The following CRYBB3 variants were observed in gnomAD, a reference collection of about 807,000 sequenced individuals.
CRYBB3 encodes the protein beta-crystallin B3.
CRYBB3 carries 35 observed loss-of-function variants against 28.3 expected under a neutral mutation model. The observed-to-expected ratio is 1.24, with a 90% CI of 0.95 to 1.64. The LOEUF is 1.64. Among genes scored for constraint, CRYBB3 ranks in the 40% most tolerant of loss-of-function variants. The pLI is 0.00. For synonymous variants in CRYBB3, 106 were observed against 110.4 expected (o/e 0.96, Z 0.25); for missense variants, 296 against 297.4 (o/e 1.00, Z 0.04).
chr22:25,207,162 C>G lies in CRYBB3; in HGVS notation c.586C>G (p.Arg196Gly), dbSNP rs376466291. ...ASQPQLQSVR[R>G]IRDQKWHKRG... is the part of the protein sequence containing the mutation. ...CCAGCCGCAGCTGCAGTCTGTGCGC[C>G]GCATCCGTGACCAGAAGTGGCACAA... Residue 196 changes from arginine (R) to glycine (G), a missense_variant, in exon 6 of 6, where the codon CGC (arginine) becomes GGC (glycine). Physicochemically the swap from Arg to Gly is moderately radical, Grantham distance 125. Coordinates refer to ENST00000215855, the MANE Select transcript of CRYBB3 (RefSeq NM_004076.5). 1.2e-6 allele frequency: 2 copies of G among 1,613,676 alleles called. No individual in the cohort carries two copies. The highest frequency in any genetic ancestry group is 4.5e-5 in the East Asian group (2 of 44,870).
At chr22:25,206,984 G>A in intron 5 of CRYBB3, 63 bp from the exon 6 acceptor site, 1 of 1,267,498 alleles carries the variant, frequency 7.9e-7, no homozygotes, top group Non-Finnish European at 1.2e-6. Context: ...ATGGTCAGAT[G>A]CTGGCTGGAG....
At chr22:25,206,108 A>C (rs974174614) in intron 5 of CRYBB3, among the ~76,000 whole-genome samples, 1 of 152,092 alleles carries the variant, frequency 6.6e-6, no homozygotes, top group Non-Finnish European at 1.5e-5. Flanking sequence ...GTTACATCTC[A>C]CTTGTGGGCT....
intron 2 of CRYBB3, among the ~76,000 whole-genome samples, chr22:25,202,144 G>A (rs1289513087): frequency 6.6e-6 from 1 of 152,156 alleles, no homozygotes; most frequent in African/African-American, 2.4e-5. Flanking sequence ...TAGAACAGAT[G>A]TTCCCTGGGG....
rs151051126 is a variant in CRYBB3 at position 25,207,196 on chromosome 22, G to A, written c.620G>A (p.Arg207His). The change falls in exon 6 of 6, where the codon CGC (arginine) becomes CAC (histidine). Residue 207 changes from arginine (R) to histidine (H), a missense_variant. Arg to His is a conservative substitution (Grantham distance 29, BLOSUM62 0). Transcript: ENST00000215855. Reference sequence around the variant, plus strand: ...GACCAGAAGTGGCACAAGCGGGGCCGCTTCCCCAGCAGCTGAAAGGCACCC... The same window carrying A: ...GACCAGAAGTGGCACAAGCGGGGCCACTTCCCCAGCAGCTGAAAGGCACCC... ...IRDQKWHKRGRFPSS is the reference protein window; with the variant it reads ...IRDQKWHKRGHFPSS 6.9e-5 allele frequency: 111 copies of A among 1,612,664 alleles called. No homozygotes were observed. The African/African-American group carries it at 9.2e-4, about 13-fold the overall frequency.
chr22:25,202,876 T>C, intron 3 of CRYBB3, 84 bp downstream of exon 3: 1 of 1,579,948 alleles, frequency 6.3e-7, no homozygotes, highest in South Asian at 1.1e-5. Context: ...CTAGATCTGT[T>C]GTGGGGCTTT....
chr22:25,206,646 G>A (rs954689930), intron 5 of CRYBB3, among the ~76,000 whole-genome samples: 2 of 152,122 alleles, frequency 1.3e-5, no homozygotes, highest in African/African-American at 4.8e-5. Flanking sequence ...AGGGGCTCTG[G>A]GAGTCCCAGT....
intron 5 of CRYBB3, among the ~76,000 whole-genome samples, chr22:25,205,580 C>T (rs1024038749): frequency 6.6e-6 from 1 of 152,206 alleles, no homozygotes; most frequent in African/African-American, 2.4e-5. Context: ...CTGCCTCAGC[C>T]TCCCGAGTAG....
In CRYBB3 at chr22:25,205,304, A is replaced by G; in HGVS notation, c.412A>G (p.Ser138Gly). The change falls in exon 5 of 6, where the codon AGC (serine) becomes GGC (glycine). Residue 138 changes from serine to glycine, a missense_variant. By Grantham distance (56) the Ser-to-Gly change is moderately conservative (BLOSUM62 0). Coordinates refer to ENST00000215855, the MANE Select transcript of CRYBB3 (RefSeq NM_004076.5). The stretch of plus-strand genomic sequence containing the variant: ...GGAGATAGTGGATGATGACGTGCCC[A>G]GCCTGTGGGCTCATGGCTTCCAGGA... ...KMEIVDDDVP[S>G]LWAHGFQDRV... is the part of the protein sequence containing the mutation. 1 of 1,614,162 alleles carries G rather than the reference A, an allele frequency of 6.2e-7. No homozygotes were observed.
intron 2 of CRYBB3, among the ~76,000 whole-genome samples, chr22:25,202,023 G>T (rs1386774578): frequency 6.6e-6 from 1 of 152,200 alleles, no homozygotes; most frequent in African/African-American, 2.4e-5. Flanking sequence ...AACTATTCCA[G>T]ACAGAGTCTA....
At position 25,207,127 on chromosome 22, in the gene CRYBB3, G is replaced by A. The variant is rs371820471; in HGVS notation, c.551G>A (p.Trp184Ter). ...ERGEYRHWNE[W>*]DASQPQLQSV... ...GGCGAGTACCGCCACTGGAATGAGT[G>A]GGACGCCAGCCAGCCGCAGCTGCAG... Residue 184 changes from tryptophan (W) to a stop codon, truncating the protein, a stop_gained, in exon 6 of 6, where the codon TGG (tryptophan) becomes TAG (stop). Transcript: ENST00000215855. LOFTEE classifies it high-confidence loss of function. 6.2e-7 allele frequency: 1 copy of A among 1,613,638 alleles called. No homozygotes were observed. The highest frequency in any genetic ancestry group is 1.7e-5 in the Admixed American group (1 of 60,022).
intron 4 of CRYBB3, 56 bp from the exon 5 acceptor site, chr22:25,205,164 C>T: frequency 1.2e-6 from 2 of 1,610,378 alleles, no homozygotes; most frequent in Non-Finnish European, 1.7e-6. Flanking sequence ...CTGGAGCCTC[C>T]TTGACCTCTG....
At position 25,207,283 on chromosome 22, in the gene CRYBB3, G is replaced by T. The variant is rs1417917002; in HGVS notation, c.*71G>T. 3 of 1,434,326 alleles carry T rather than the reference G, an allele frequency of 2.1e-6. No homozygotes were observed. Among genetic ancestry groups the T allele is most frequent in the African/African-American group, 2.8e-5 (2 of 71,150 alleles). The allele number at this position is 1,434,326 out of a possible 1,614,324, so 88.8% of individuals were successfully genotyped here. On this transcript the variant is annotated 3_prime_UTR_variant, in exon 6 of 6. Coordinates refer to ENST00000215855, the MANE Select transcript of CRYBB3 (RefSeq NM_004076.5). ...AAGGGCAAGAAGAGGAGGCTCCAGGGTTGGGGCGAGGGCCGACCTGTCCAC... is the reference window on the plus strand; with the variant it reads ...AAGGGCAAGAAGAGGAGGCTCCAGGTTTGGGGCGAGGGCCGACCTGTCCAC...
intron 4 of CRYBB3, among the ~76,000 whole-genome samples, chr22:25,204,951 A>G (rs956105674): frequency 2.9e-4 from 44 of 152,170 alleles, no homozygotes; most frequent in African/African-American, 1.0e-3. Context: ...CATTTAAATG[A>G]TGGGATTGAA....
At chr22:25,201,516 C>G in intron 2 of CRYBB3, 45 bp downstream of exon 2, 4 of 1,603,894 alleles carry the variant, frequency 2.5e-6, no homozygotes, top group Non-Finnish European at 3.4e-6. Flanking sequence ...TACTCCTGGG[C>G]CTCAGGGTCA....
In CRYBB3 at chr22:25,207,250, G is replaced by C; in HGVS notation, c.*38G>C. 1 of 1,584,898 alleles carries C rather than the reference G, an allele frequency of 6.3e-7. No homozygotes were observed. Among genetic ancestry groups the C allele is most frequent in the Non-Finnish European group, 8.6e-7 (1 of 1,162,050 alleles). ...CTTCAAGGACCCAGACCCACCCTGG[G>C]GGGCTGCAAGGGCAAGAAGAGGAGG... On this transcript the variant is annotated 3_prime_UTR_variant, in exon 6 of 6. Coordinates refer to ENST00000215855, the MANE Select transcript of CRYBB3 (RefSeq NM_004076.5).
At chr22:25,204,441 G>T (rs988395001) in intron 4 of CRYBB3, among the ~76,000 whole-genome samples, 3 of 151,468 alleles carry the variant, frequency 2.0e-5, no homozygotes, top group African/African-American at 7.3e-5. Context: ...ATTTTGAGTT[G>T]CAGTCTCGCT....
intron 1 of CRYBB3, among the ~76,000 whole-genome samples, chr22:25,200,358 G>T (rs1934922596): frequency 6.6e-6 from 1 of 152,130 alleles, no homozygotes; most frequent in Non-Finnish European, 1.5e-5. Flanking sequence ...TGGGAGCCGT[G>T]GGTGGGTAAC....
intron 1 of CRYBB3, among the ~76,000 whole-genome samples, 172 bp downstream of exon 1, chr22:25,200,081 C>T (rs5760901): frequency 0.058 from 8,821 of 152,122 alleles, 344 homozygotes; most frequent in East Asian, 0.11. Flanking sequence ...GGGGGTGGAA[C>T]GAGGGACCCT....
At position 25,202,735 on chromosome 22, in the gene CRYBB3, C is replaced by T. The variant is rs1382293062; in HGVS notation, c.137C>T (p.Pro46Leu). The change falls in exon 3 of 6, where the codon CCC (proline) becomes CTC (leucine). Residue 46 changes from proline to leucine, a missense_variant. By Grantham distance (98) the Pro-to-Leu change is moderately conservative (BLOSUM62 -3). Transcript: ENST00000215855. ...GKRCELSAEC[P>L]SLTDSLLEKV... ...CGCTGCGAGCTCTCGGCCGAGTGCC[C>T]CAGCCTGACCGACAGCCTGCTGGAG... The T allele has an allele frequency of 6.2e-7, 1 of 1,613,932 alleles. No individual in the cohort carries two copies. Among genetic ancestry groups the T allele is most frequent in the Non-Finnish European group, 8.5e-7 (1 of 1,180,016 alleles).
Sources: allele counts gnomAD v4.1 joint callset (sites outside exome capture counted in the v4.1 genomes callset), GRCh38; gene constraint gnomAD v4.1.1; transcripts MANE v1.5; gene names NCBI Gene and HGNC (gene_info 2026-07-23, HGNC 2026-07-21).